Variants in SLC9A9 observed in about 807,000 individuals in gnomAD.
The protein encoded by SLC9A9 is sodium/hydrogen exchanger 9.
In SLC9A9, 62 loss-of-function variants were observed where a neutral mutation model predicts 77.8. The observed-to-expected ratio is 0.80, with a 90% CI of 0.65 to 0.98. SLC9A9 has a LOEUF of 0.98. Among genes scored for constraint, SLC9A9 ranks in the 50% least tolerant of loss-of-function variants. The pLI, the probability that SLC9A9 is intolerant of heterozygous loss-of-function variation, is 0.00. For missense variants in SLC9A9, 775 were observed against 774.9 expected (o/e 1.00, Z 0.00); for synonymous variants, 320 against 283.5 (o/e 1.13, Z -1.29).
At chr3:143,585,596 G>A (rs2037527337) in intron 6 of SLC9A9, among the ~76,000 whole-genome samples, 3 of 152,208 alleles carry the variant, frequency 2.0e-5, no homozygotes, top group Admixed American at 6.5e-5. Flanking sequence ...TCACGGTTGT[G>A]TCCTTAACCT....
At chr3:143,514,932 T>C (rs2036180180) in intron 9 of SLC9A9, among the ~76,000 whole-genome samples, 1 of 152,238 alleles carries the variant, frequency 6.6e-6, no homozygotes, top group Non-Finnish European at 1.5e-5. Context: ...ATCAATAAAT[T>C]GGCTGTTTTG....
chr3:143,516,364 A>AT (rs2036203202), intron 9 of SLC9A9, among the ~76,000 whole-genome samples: 1 of 151,196 alleles, frequency 6.6e-6, no homozygotes, highest in African/African-American at 2.4e-5. Flanking sequence ...TTTTATCTTT[A>AT]TTTTTTGCTA....
chr3:143,315,402 C>G (rs564220442), intron 14 of SLC9A9, among the ~76,000 whole-genome samples: 28 of 152,302 alleles, frequency 1.8e-4, no homozygotes, highest in Admixed American at 1.2e-3. Context: ...AGATATTGTT[C>G]AGCTCAGCTT....
intron 11 of SLC9A9, among the ~76,000 whole-genome samples, chr3:143,470,808 T>A (rs1269088514): frequency 1.3e-5 from 2 of 152,228 alleles, no homozygotes; most frequent in Non-Finnish European, 2.9e-5. Context: ...AATAATGTAT[T>A]GTTATTATGT....
At position 143,422,254 on chromosome 3, in the gene SLC9A9, A is replaced by C. The variant is rs1288978331; in HGVS notation, c.1470-40140T>G. Among the ~76,000 whole-genome samples, 3 of 152,226 alleles carry C rather than the reference A, an allele frequency of 2.0e-5. No homozygotes were observed. In the East Asian group the frequency reaches 5.8e-4, roughly 29 times the overall value. On this transcript the variant is annotated intron_variant, in intron 12 of 15. Coordinates refer to ENST00000316549, the MANE Select transcript of SLC9A9 (RefSeq NM_173653.4). ...CCAGCAATCCTGTTACTAGGTATGT[A>C]TCCAAAGGAAAATAAATTGTTCTAC...
intron 9 of SLC9A9, chr3:143,517,658 G>A: frequency 6.3e-7 from 1 of 1,597,138 alleles, no homozygotes; most frequent in Admixed American, 1.7e-5. Context: ...AAGTCTGTGT[G>A]CTTTCGCCCG....
chr3:143,515,269 G>T (rs936571666), intron 9 of SLC9A9, among the ~76,000 whole-genome samples: 1 of 152,126 alleles, frequency 6.6e-6, no homozygotes, highest in Non-Finnish European at 1.5e-5. Context: ...GTGGATGACA[G>T]CTCATCATAA....
In SLC9A9 at chr3:143,776,000, C is replaced by T. The variant is rs536000026; in HGVS notation, c.533+19001G>A. 1.5e-4 allele frequency among the ~76,000 whole-genome samples: 23 copies of T among 152,242 alleles called. No individual in the cohort carries two copies. In the South Asian group the frequency reaches 4.8e-3, roughly 32 times the overall value. On this transcript the variant is annotated intron_variant, in intron 4 of 15. Coordinates refer to ENST00000316549, the MANE Select transcript of SLC9A9 (RefSeq NM_173653.4). ...ACTGGGATAATTTTACCAATTTGTT[C>T]TGTGCTATGAATCTGGCTTATATGC...
intron 5 of SLC9A9, among the ~76,000 whole-genome samples, chr3:143,676,557 T>C (rs918415912): frequency 6.6e-5 from 10 of 151,952 alleles, no homozygotes; most frequent in African/African-American, 2.4e-4. Flanking sequence ...CTCAACATGG[T>C]GAAACCCTGT....
chr3:143,336,078 T>C (rs556778530), intron 14 of SLC9A9, among the ~76,000 whole-genome samples: 1 of 152,234 alleles, frequency 6.6e-6, no homozygotes, highest in African/African-American at 2.4e-5. Flanking sequence ...ATAACCTTAT[T>C]GGAAAATGGG....
intron 5 of SLC9A9, among the ~76,000 whole-genome samples, chr3:143,666,533 G>A (rs1560021271): frequency 6.6e-6 from 1 of 152,144 alleles, no homozygotes; most frequent in Non-Finnish European, 1.5e-5. Flanking sequence ...TAGGAAAAGA[G>A]GAAATCAAAT....
intron 2 of SLC9A9, among the ~76,000 whole-genome samples, chr3:143,806,482 T>C (rs2008716590): frequency 6.6e-6 from 1 of 152,120 alleles, no homozygotes; most frequent in Non-Finnish European, 1.5e-5. Flanking sequence ...TGCCAGTGCC[T>C]AGCAAATTGC....
At chr3:143,365,132 T>C (rs566148098) in intron 13 of SLC9A9, among the ~76,000 whole-genome samples, 1 of 152,340 alleles carries the variant, frequency 6.6e-6, no homozygotes, top group Admixed American at 6.5e-5. Flanking sequence ...TGCAGGAACA[T>C]GGATGGAGCT....
In SLC9A9 at chr3:143,382,048, T is replaced by G. The variant is rs752135777; in HGVS notation, c.1524+12A>C. The G allele has an allele frequency of 2.5e-6, 4 of 1,613,994 alleles. No homozygotes were observed. The highest frequency in any genetic ancestry group is 3.4e-6 in the Non-Finnish European group (4 of 1,179,958). On this transcript the variant is annotated intron_variant, in intron 13 of 15. Coordinates refer to ENST00000316549, the MANE Select transcript of SLC9A9 (RefSeq NM_173653.4). ...TATCTCTATATAATGTGCATTGGTT[T>G]CTTTGACTTGCCTGGTGTTGTGAGG...
At chr3:143,843,895 T>C (rs1269577706) in intron 1 of SLC9A9, among the ~76,000 whole-genome samples, 1 of 152,194 alleles carries the variant, frequency 6.6e-6, no homozygotes, top group African/African-American at 2.4e-5. Flanking sequence ...ATGAGTATCA[T>C]TATGGCTTAT....
intron 5 of SLC9A9, among the ~76,000 whole-genome samples, chr3:143,681,025 C>T (rs755912679): frequency 2.0e-5 from 3 of 152,112 alleles, no homozygotes; most frequent in Non-Finnish European, 2.9e-5. Context: ...AACAGGTTAT[C>T]GCTCTCCACC....
intron 9 of SLC9A9, among the ~76,000 whole-genome samples, chr3:143,521,811 A>G (rs1209762266): frequency 6.6e-6 from 1 of 151,698 alleles, no homozygotes; most frequent in Non-Finnish European, 1.5e-5. Flanking sequence ...TTCATCTTTC[A>G]TTTCTTTAAG....
intron 6 of SLC9A9, among the ~76,000 whole-genome samples, chr3:143,588,708 G>A (rs796845652): frequency 1.2e-4 from 18 of 152,286 alleles, no homozygotes; most frequent in African/African-American, 4.3e-4. Flanking sequence ...ATATTGAGAG[G>A]AAAGTGAATT....
chr3:143,771,187 T>G (rs527685707), intron 4 of SLC9A9, among the ~76,000 whole-genome samples: 1 of 152,256 alleles, frequency 6.6e-6, no homozygotes, highest in African/African-American at 2.4e-5. Flanking sequence ...GAGCACACAG[T>G]AATACGAAGA....
Sources: gnomAD v4.1 joint callset for allele counts (sites outside exome capture counted in the v4.1 genomes callset) on GRCh38, gnomAD v4.1.1 for gene constraint, MANE v1.5 for transcripts, NCBI Gene and HGNC (gene_info 2026-07-23, HGNC 2026-07-21) for gene names.